The following SNTG2 variants were observed in gnomAD, a reference collection of about 807,000 sequenced individuals.
SNTG2 encodes the protein gamma-2-syntrophin.
A neutral mutation model predicts 70.9 loss-of-function variants in SNTG2; 74 were observed. The observed-to-expected ratio is 1.04, with a 90% CI of 0.86 to 1.27. The LOEUF (loss-of-function observed/expected upper bound fraction) is 1.27. SNTG2 is among the 50% of genes most tolerant of loss of function. SNTG2 has a pLI of 0.00. For synonymous variants in SNTG2, 278 were observed against 273.8 expected (o/e 1.02, Z -0.15); for missense variants, 717 against 690.7 (o/e 1.04, Z -0.43).
chr2:1,329,548 A>T (rs1253829437), intron 16 of SNTG2, among the ~76,000 whole-genome samples: 2 of 152,228 alleles, frequency 1.3e-5, no homozygotes, highest in Non-Finnish European at 1.5e-5. Flanking sequence ...CTCACTTCTC[A>T]GCTGCCTGTC....
At chr2:1,000,566 A>G (rs573283627) in intron 1 of SNTG2, among the ~76,000 whole-genome samples, 2 of 152,020 alleles carry the variant, frequency 1.3e-5, no homozygotes, top group South Asian at 2.1e-4. Flanking sequence ...CTCAATATTG[A>G]ACCAGGAAGA....
At chr2:1,307,959 T>G (rs939131067) in intron 14 of SNTG2, among the ~76,000 whole-genome samples, 1 of 152,226 alleles carries the variant, frequency 6.6e-6, no homozygotes, top group African/African-American at 2.4e-5. Context: ...TCGCACCGTG[T>G]GACCGATGTA....
At chr2:1,147,571 C>T (rs113959239) in intron 6 of SNTG2, among the ~76,000 whole-genome samples, 45 of 152,304 alleles carry the variant, frequency 3.0e-4, no homozygotes, top group African/African-American at 8.4e-4. Flanking sequence ...ATTGTGGGAC[C>T]TTGTGATTGT....
At chr2:1,079,078 A>G (rs183056228) in intron 1 of SNTG2, among the ~76,000 whole-genome samples, 1 of 152,270 alleles carries the variant, frequency 6.6e-6, no homozygotes, top group Non-Finnish European at 1.5e-5. Context: ...AATGTATTCA[A>G]TTAGCTCATT....
intron 1 of SNTG2, among the ~76,000 whole-genome samples, chr2:982,253 C>T (rs905656481): frequency 4.7e-4 from 71 of 152,170 alleles, no homozygotes; most frequent in Middle Eastern, 3.2e-3. Context: ...CTTGCAGTGT[C>T]CTTCACAGTG....
At chr2:1,164,938 T>C (rs1670608113) in intron 6 of SNTG2, among the ~76,000 whole-genome samples, 1 of 152,216 alleles carries the variant, frequency 6.6e-6, no homozygotes, top group Non-Finnish European at 1.5e-5. Flanking sequence ...TCTAGACTTT[T>C]AGTGTCTCAA....
chr2:1,305,995 C>A (rs1175911872), intron 14 of SNTG2, among the ~76,000 whole-genome samples: 1 of 152,218 alleles, frequency 6.6e-6, no homozygotes, highest in African/African-American at 2.4e-5. Flanking sequence ...GGAATACTTT[C>A]ATTTCCTATT....
At chr2:1,216,838 G>A (rs1046018473) in intron 9 of SNTG2, among the ~76,000 whole-genome samples, 4 of 152,174 alleles carry the variant, frequency 2.6e-5, no homozygotes, top group African/African-American at 9.7e-5. Flanking sequence ...GATCATGGGG[G>A]TAGTTCCCCC....
intron 14 of SNTG2, among the ~76,000 whole-genome samples, chr2:1,305,903 G>T (rs1019426029): frequency 6.6e-6 from 1 of 152,226 alleles, no homozygotes; most frequent in Non-Finnish European, 1.5e-5. Flanking sequence ...TTGCCATTCA[G>T]CAGTAGCCAC....
At chr2:1,117,439 CTT>C (rs1667087203) in intron 4 of SNTG2, among the ~76,000 whole-genome samples, 1 of 152,096 alleles carries the variant, frequency 6.6e-6, no homozygotes, top group African/African-American at 2.4e-5. Context: ...GAAATGAAGA[CTT>C]AACATCAAAT....
intron 14 of SNTG2, among the ~76,000 whole-genome samples, chr2:1,268,222 G>A (rs569665695): frequency 4.3e-4 from 65 of 152,332 alleles, no homozygotes; most frequent in African/African-American, 1.5e-3. Context: ...ATGAGGCAGC[G>A]CATCCCAGAG....
chr2:1,337,240 A>T (rs941155818), intron 16 of SNTG2, among the ~76,000 whole-genome samples: 7 of 152,106 alleles, frequency 4.6e-5, no homozygotes, highest in African/African-American at 1.7e-4. Flanking sequence ...TGGTAATTCT[A>T]TTTTTAATTT....
chr2:1,119,365 C>T (rs547922163), intron 4 of SNTG2, among the ~76,000 whole-genome samples: 5 of 152,242 alleles, frequency 3.3e-5, no homozygotes, highest in African/African-American at 7.2e-5. Flanking sequence ...GAAGGAAGTA[C>T]GTAGTCAAAT....
intron 8 of SNTG2, among the ~76,000 whole-genome samples, chr2:1,178,922 C>T (rs1414544973): frequency 5.9e-5 from 9 of 152,180 alleles, no homozygotes; most frequent in East Asian, 3.9e-4. Flanking sequence ...AGCTTTGAAT[C>T]CATCTGGTCC....
chr2:951,557 C>T (rs55938917), intron 1 of SNTG2, among the ~76,000 whole-genome samples: 10 of 152,328 alleles, frequency 6.6e-5, no homozygotes, highest in Admixed American at 2.0e-4. Flanking sequence ...GCTGGGGGCT[C>T]TAGGCCATTC....
chr2:1,042,246 A>G (rs1572281818), intron 1 of SNTG2, among the ~76,000 whole-genome samples: 1 of 152,196 alleles, frequency 6.6e-6, no homozygotes, highest in Non-Finnish European at 1.5e-5. Context: ...AAACTAATTC[A>G]TGCTTTGATT....
intron 1 of SNTG2, among the ~76,000 whole-genome samples, chr2:951,997 A>G (rs1471997509): frequency 6.6e-6 from 1 of 152,206 alleles, no homozygotes; most frequent in Non-Finnish European, 1.5e-5. Context: ...CTATCGTCAT[A>G]ATAATGATTC....
intron 1 of SNTG2, among the ~76,000 whole-genome samples, chr2:1,044,262 G>T (rs1311937894): frequency 1.3e-5 from 2 of 152,066 alleles, no homozygotes; most frequent in Non-Finnish European, 2.9e-5. Flanking sequence ...TTTGTATTCT[G>T]AAACTTGGCT....
Position 1,221,453 on chromosome 2 carries a change from C to G in SNTG2, c.719+12223C>G, listed in dbSNP as rs1265366438. Among the ~76,000 whole-genome samples the G allele has an allele frequency of 9.1e-5, 12 of 131,476 alleles. 1 individual carries two copies. Among genetic ancestry groups the G allele is most frequent in the African/African-American group, 2.9e-4 (9 of 31,552 alleles). 86.3% of individuals were successfully genotyped at this position (131,476 alleles called of 152,430 possible). On this transcript the variant is annotated intron_variant, in intron 9 of 16. Coordinates refer to ENST00000308624, the MANE Select transcript of SNTG2 (RefSeq NM_018968.4). ...TCTCTCTCTGTCTCTGTCTCTGTCT[C>G]TCTCTGTCTCTGTCTCTCTGTCTCT...
Sources: allele counts gnomAD v4.1 joint callset (sites outside exome capture counted in the v4.1 genomes callset), GRCh38; gene constraint gnomAD v4.1.1; transcripts MANE v1.5; gene names NCBI Gene and HGNC (gene_info 2026-07-23, HGNC 2026-07-21).